The following UAP1 variants were observed in gnomAD, a reference collection of about 807,000 sequenced individuals.
The protein encoded by UAP1 is UDP-N-acetylhexosamine pyrophosphorylase.
In UAP1, 25 loss-of-function variants were observed where a neutral mutation model predicts 58.5. The observed-to-expected ratio is 0.43, with a 90% CI of 0.31 to 0.60. The LOEUF (loss-of-function observed/expected upper bound fraction) is 0.60. Among genes scored for constraint, UAP1 ranks in the 20% least tolerant of loss-of-function variants. The pLI is 0.11. For synonymous variants in UAP1, 208 were observed against 213.0 expected, an observed-to-expected ratio of 0.98 and a Z score of 0.21; for missense variants, 575 against 630.0, an observed-to-expected ratio of 0.91 and a Z score of 0.93.
intron 5 of UAP1, 113 bp downstream of exon 5, chr1:162,581,572 ATC>A: frequency 8.6e-7 from 1 of 1,167,356 alleles, no homozygotes; most frequent in Non-Finnish European, 1.2e-6. Flanking sequence ...AGAACCATTT[ATC>A]TCTCTAAAGT....
chr1:162,565,876 C>G (rs764813987), intron 1 of UAP1, 136 bp from the exon 2 acceptor site: 1 of 600,134 alleles, frequency 1.7e-6, no homozygotes. Context: ...TGATCTCTTA[C>G]AAATATTGAG....
intron 5 of UAP1, among the ~76,000 whole-genome samples, chr1:162,584,228 G>A (rs1654776927): frequency 1.3e-5 from 2 of 152,136 alleles, no homozygotes; most frequent in Admixed American, 1.3e-4. Context: ...GACACTCACT[G>A]TTTAGTCCTG....
chr1:162,599,546 AT>A, exon 11 of UAP1: 1 of 436,182 alleles, frequency 2.3e-6, no homozygotes, highest in Non-Finnish European at 4.1e-6. Flanking sequence ...TTCAGATAGC[AT>A]TTTTATGATT....
intron 7 of UAP1, among the ~76,000 whole-genome samples, chr1:162,589,813 A>G (rs1655188583): frequency 6.6e-6 from 1 of 152,102 alleles, no homozygotes; most frequent in Non-Finnish European, 1.5e-5. Context: ...CTCTACTAAC[A>G]GTACAAAAAT....
At chr1:162,585,635 A>C (rs1381280465) in intron 5 of UAP1, among the ~76,000 whole-genome samples, 1 of 152,208 alleles carries the variant, frequency 6.6e-6, no homozygotes, top group Admixed American at 6.5e-5. Flanking sequence ...TTCTTCTGTA[A>C]TGTAGACTTT....
intron 9 of UAP1, chr1:162,593,162 G>A (rs987781576): frequency 9.2e-6 from 2 of 218,104 alleles, no homozygotes; most frequent in African/African-American, 4.5e-5. Flanking sequence ...GTGGAATTGG[G>A]TGTATGCTCT....
chr1:162,581,523 G>A (rs1470338077), intron 5 of UAP1, 64 bp downstream of exon 5: 1 of 1,478,218 alleles, frequency 6.8e-7, no homozygotes, highest in Non-Finnish European at 9.1e-7. Flanking sequence ...ACGCATTCCA[G>A]AAGTCAAACC....
chr1:162,594,527 T>C (rs1455608093), intron 9 of UAP1, among the ~76,000 whole-genome samples: 1 of 152,208 alleles, frequency 6.6e-6, no homozygotes, highest in African/African-American at 2.4e-5. Context: ...CTGCCATAGA[T>C]GACTGTTGTC....
chr1:162,592,905 G>C (rs542296565), intron 9 of UAP1, 123 bp downstream of exon 9: 10 of 817,822 alleles, frequency 1.2e-5, no homozygotes, highest in Admixed American at 4.5e-5. Context: ...TGAAACTTTG[G>C]TGTGGGTGCA....
chr1:162,593,675 G>A (rs2101836833), intron 9 of UAP1: 1 of 152,062 alleles, frequency 6.6e-6, no homozygotes, highest in Non-Finnish European at 1.5e-5. Flanking sequence ...TTGAGCCTGG[G>A]AGGCAGAGGT....
At chr1:162,587,601 C>G in exon 6 of UAP1, 2 of 1,614,124 alleles carry the variant, frequency 1.2e-6, no homozygotes, top group Non-Finnish European at 1.7e-6. Flanking sequence ...AGACGGACGA[C>G]TGCTGTTCAA....
chr1:162,584,133 C>T (rs1011759036), intron 5 of UAP1, among the ~76,000 whole-genome samples: 22 of 152,324 alleles, frequency 1.4e-4, no homozygotes, highest in African/African-American at 5.3e-4. Flanking sequence ...GTACACTAAT[C>T]ATGCAAAGAT....
At chr1:162,581,572 A>C (rs1654588362) in intron 5 of UAP1, 113 bp downstream of exon 5, 1 of 1,167,356 alleles carries the variant, frequency 8.6e-7, no homozygotes, top group Non-Finnish European at 1.2e-6. Flanking sequence ...AGAACCATTT[A>C]TCTCTCTAAA....
exon 2 of UAP1, chr1:162,566,045 A>T (rs1472156286): frequency 1.4e-5 from 22 of 1,602,010 alleles, no homozygotes; most frequent in Non-Finnish European, 1.6e-5. Context: ...CCCTATTTCT[A>T]CAAAGCTTGG....
intron 5 of UAP1, among the ~76,000 whole-genome samples, chr1:162,583,582 C>A (rs1036199846): frequency 3.9e-5 from 6 of 152,132 alleles, no homozygotes; most frequent in Non-Finnish European, 8.8e-5. Context: ...TGGTCAACCC[C>A]TTTGATCTCA....
At chr1:162,591,616 G>A (rs1557979350) in intron 8 of UAP1, among the ~76,000 whole-genome samples, 1 of 151,142 alleles carries the variant, frequency 6.6e-6, no homozygotes, top group Admixed American at 6.6e-5. Flanking sequence ...CTCCCAAGTA[G>A]CTGGGGTTAC....
intron 2 of UAP1, among the ~76,000 whole-genome samples, chr1:162,575,935 G>A (rs145091748): frequency 8.5e-5 from 13 of 152,164 alleles, no homozygotes; most frequent in African/African-American, 1.2e-4. Context: ...CACCTGCCGC[G>A]GCCTCCCAAA....
chr1:162,577,047 A>AAAG, intron 3 of UAP1, 66 bp downstream of exon 3: 20 of 1,436,762 alleles, frequency 1.4e-5, no homozygotes, highest in Non-Finnish European at 1.8e-5. Flanking sequence ...CAAAATGCAT[A>AAAG]TATACTTTAT....
chr1:162,566,315 G>A lies in UAP1; in HGVS notation c.247G>A (p.Asp83Asn), dbSNP rs1225976572. 4 of 1,614,076 alleles carry A rather than the reference G, an allele frequency of 2.5e-6. No homozygotes were observed. Among genetic ancestry groups the A allele is most frequent in the Non-Finnish European group, 3.4e-6 (4 of 1,180,004 alleles). The change falls in exon 2 of 11, where the codon GAT (aspartate) becomes AAT (asparagine). Residue 83 changes from aspartate to asparagine, a missense_variant. Asp to Asn is a conservative substitution (Grantham distance 23, BLOSUM62 1). Coordinates refer to ENST00000271469, the Ensembl canonical transcript of UAP1. Reference sequence around the variant, plus strand: ...AGAGGTATTAGGCAGTGCTACAAGGGATCAAGATCAGCTCCAGGCCTGGGA... The same window carrying A: ...AGAGGTATTAGGCAGTGCTACAAGGAATCAAGATCAGCTCCAGGCCTGGGA...
Sources: gnomAD v4.1 joint callset for allele counts (sites outside exome capture counted in the v4.1 genomes callset) on GRCh38, gnomAD v4.1.1 for gene constraint, MANE v1.5 for transcripts, NCBI Gene and HGNC (gene_info 2026-07-23, HGNC 2026-07-21) for gene names.